ABCA9: variants seen among roughly 807,000 people sequenced by gnomAD.
ABCA9 encodes the protein ATP binding cassette subfamily A member 9.
In ABCA9, 183 loss-of-function variants were observed where a neutral mutation model predicts 205.3. The observed-to-expected ratio is 0.89, with a 90% CI of 0.79 to 1.01. The LOEUF (loss-of-function observed/expected upper bound fraction) is 1.01, where lower values mean the gene tolerates loss of function less well. ABCA9 is among the 50% of genes least tolerant of loss of function. ABCA9 has a pLI of 0.00. For missense variants in ABCA9, 1,805 were observed against 1,912.4 expected (o/e 0.94, Z 1.05); for synonymous variants, 651 against 683.3 (o/e 0.95, Z 0.74).
At position 68,989,934 on chromosome 17, in the gene ABCA9, T is replaced by C; in HGVS notation, c.3838-4A>G. ...AGCTGGCAATGATGACGGGTGTCTG[T>C]AAAGACAAGTAAATAACAACGGGAC... is the stretch of plus-strand genomic sequence containing the variant. On this transcript the variant is annotated splice_region_variant and splice_polypyrimidine_tract_variant and intron_variant, in intron 29 of 38. Transcript: ENST00000340001. The C allele has an allele frequency of 6.3e-7, 1 of 1,583,780 alleles. No homozygotes were observed. The highest frequency in any genetic ancestry group is 8.6e-7 in the Non-Finnish European group (1 of 1,157,622).
At chr17:69,066,772 C>T in the ABCA9 span, among the ~76,000 whole-genome samples, 1 of 152,114 alleles carries the variant, frequency 6.6e-6, no homozygotes. Flanking sequence ...GTGCTGGGCA[C>T]TTGAGGATAC....
the ABCA9 span, among the ~76,000 whole-genome samples, chr17:69,071,297 G>A: frequency 6.6e-6 from 1 of 152,210 alleles, no homozygotes; most frequent in African/African-American, 2.4e-5. Context: ...TTCTGACAGA[G>A]AGACAACTCC....
At chr17:68,996,257 G>C (rs1598346188) in intron 25 of ABCA9, among the ~76,000 whole-genome samples, 1 of 152,298 alleles carries the variant, frequency 6.6e-6, no homozygotes, top group East Asian at 1.9e-4. Flanking sequence ...CAAATCAGGT[G>C]AGACTCTTGC....
chr17:69,003,937 C>A (rs1032627337), intron 25 of ABCA9, among the ~76,000 whole-genome samples: 1 of 152,164 alleles, frequency 6.6e-6, no homozygotes, highest in Non-Finnish European at 1.5e-5. Context: ...GCATTCTTCA[C>A]GTAGTTCTCG....
At chr17:69,033,979 A>T (rs2071247789) in intron 8 of ABCA9, 106 bp from the exon 9 acceptor site, 13 of 916,364 alleles carry the variant, frequency 1.4e-5, no homozygotes. Context: ...AATAAGATAT[A>T]ATCTTGTCTC....
intron 6 of ABCA9, among the ~76,000 whole-genome samples, chr17:69,037,591 T>TA (rs995962347): frequency 1.1e-4 from 16 of 152,224 alleles, no homozygotes; most frequent in African/African-American, 3.9e-4. Flanking sequence ...TTAATAGCAC[T>TA]AAATGCCCAC....
Position 69,045,339 on chromosome 17 carries a change from G to A in ABCA9, c.305-3C>T, listed in dbSNP as rs750029027. 1.9e-6 allele frequency: 3 copies of A among 1,602,422 alleles called. No individual in the cohort carries two copies. The highest frequency in any genetic ancestry group is 2.6e-6 in the Non-Finnish European group (3 of 1,173,916). On this transcript the variant is annotated splice_polypyrimidine_tract_variant and splice_region_variant and intron_variant, in intron 3 of 38. Coordinates refer to ENST00000340001, the MANE Select transcript of ABCA9 (RefSeq NM_080283.4). ...AGGCCACCCCATGATTGTTCTTCCT[G>A]CCATGTGAAGAAAACAAAAGAAATA...
At chr17:69,024,129 T>A in intron 17 of ABCA9, 85 bp downstream of exon 17, 1 of 1,452,242 alleles carries the variant, frequency 6.9e-7, no homozygotes, top group Non-Finnish European at 9.5e-7. Flanking sequence ...CTAGCAAGCA[T>A]TAAAACTAGC....
At chr17:69,013,488 A>ATCTT (rs2070461593) in intron 22 of ABCA9, among the ~76,000 whole-genome samples, 1 of 152,068 alleles carries the variant, frequency 6.6e-6, no homozygotes. Context: ...CCCATCTCAT[A>ATCTT]TCTTTGCCTG....
At chr17:69,028,158 A>G (rs1015609082) in intron 12 of ABCA9, among the ~76,000 whole-genome samples, 2 of 152,184 alleles carry the variant, frequency 1.3e-5, no homozygotes, top group African/African-American at 4.8e-5. Flanking sequence ...AAGTTAATTA[A>G]TAAAACCAAT....
At chr17:69,075,614 A>G in the ABCA9 span, among the ~76,000 whole-genome samples, 1 of 152,030 alleles carries the variant, frequency 6.6e-6, no homozygotes, top group East Asian at 1.9e-4. Flanking sequence ...CCTTTTTTGT[A>G]CAAGTATCAT....
At chr17:69,006,677 G>C (rs1052039841) in intron 25 of ABCA9, among the ~76,000 whole-genome samples, 1 of 152,128 alleles carries the variant, frequency 6.6e-6, no homozygotes, top group Non-Finnish European at 1.5e-5. Context: ...TAGGGTTCTA[G>C]TATTGTTCTA....
intron 13 of ABCA9, 43 bp downstream of exon 13, chr17:69,027,597 G>A (rs767532979): frequency 2.7e-5 from 43 of 1,588,976 alleles, no homozygotes; most frequent in Middle Eastern, 1.7e-4. Context: ...TAGATAAACC[G>A]TCTCTTTTTT....
intron 6 of ABCA9, among the ~76,000 whole-genome samples, chr17:69,041,326 A>T (rs2071528472): frequency 6.6e-6 from 1 of 152,166 alleles, no homozygotes; most frequent in Non-Finnish European, 1.5e-5. Context: ...AGGAAAAAAA[A>T]TGCCCTGATT....
intron 31 of ABCA9, chr17:68,986,872 C>G (rs2069255248): frequency 6.6e-6 from 1 of 152,082 alleles, no homozygotes; most frequent in Non-Finnish European, 1.5e-5. Flanking sequence ...AACAGCTCCC[C>G]ACAGCAAAAT....
chr17:69,003,251 G>A (rs1439688533), intron 25 of ABCA9, among the ~76,000 whole-genome samples: 1 of 152,052 alleles, frequency 6.6e-6, no homozygotes, highest in African/African-American at 2.4e-5. Flanking sequence ...TGCAGAGGCT[G>A]GTACCAGTTG....
Position 68,982,954 on chromosome 17 carries a change from G to A in ABCA9, c.4641-313C>T, listed in dbSNP as rs118011724. The stretch of plus-strand genomic sequence containing the variant: ...CCATGGGATTGAGGCTGCAGTGAGC[G>A]GTGATTGCACCACTGCACTGTAGAC... On this transcript the variant is annotated intron_variant, in intron 36 of 38. Transcript: ENST00000340001. Among the ~76,000 whole-genome samples the A allele has an allele frequency of 3.3e-3, 499 of 152,248 alleles. 6 individuals carry two copies. In the East Asian group the frequency reaches 0.033, roughly 10 times the overall value.
chr17:68,997,156 C>T (rs1157879244), intron 25 of ABCA9, among the ~76,000 whole-genome samples: 2 of 152,204 alleles, frequency 1.3e-5, no homozygotes, highest in Non-Finnish European at 2.9e-5. Context: ...GTCTCGAACT[C>T]CTGACCTCAG....
intron 37 of ABCA9, among the ~76,000 whole-genome samples, chr17:68,980,728 C>CA: frequency 7.7e-6 from 1 of 130,516 alleles, no homozygotes; most frequent in Admixed American, 9.9e-5. Context: ...AACCCATGGA[C>CA]ACAGGAAGGG....
Sources: gnomAD v4.1 joint callset for allele counts (sites outside exome capture counted in the v4.1 genomes callset) on GRCh38, gnomAD v4.1.1 for gene constraint, MANE v1.5 for transcripts, NCBI Gene and HGNC (gene_info 2026-07-23, HGNC 2026-07-21) for gene names.